PRKG1: variants seen among roughly 807,000 people sequenced by gnomAD.
The protein encoded by PRKG1 is protein kinase cGMP-dependent 1.
In PRKG1, 35 loss-of-function variants were observed where a neutral mutation model predicts 88.1. The ratio of observed to expected loss-of-function variants is 0.40; its 90% CI spans 0.30 to 0.53. The LOEUF is 0.53. Ranked by LOEUF, PRKG1 falls within the 20% of genes least tolerant of loss-of-function variation. The pLI, the probability that PRKG1 is intolerant of heterozygous loss-of-function variation, is 0.59. For missense variants in PRKG1, 540 were observed against 839.8 expected, an observed-to-expected ratio of 0.64 and a Z score of 4.41; for synonymous variants, 303 against 292.5, an observed-to-expected ratio of 1.04 and a Z score of -0.37.
rs149994880 is a variant in PRKG1, at chr10:51,111,248, A to G, written c.311+36347A>G. ...GAAAGTTACCTTGTTGATTTTTTAA[A>G]TTAAATTAAATTATTGTTTATATTT... On this transcript the variant is annotated intron_variant, in intron 1 of 17. Coordinates refer to ENST00000373980, the MANE Select transcript of PRKG1 (RefSeq NM_006258.4). Among the ~76,000 whole-genome samples, 1,432 of 152,250 alleles carry G rather than the reference A, an allele frequency of 9.4e-3. 17 individuals are homozygous for G. The highest frequency in any genetic ancestry group is 0.032 in the African/African-American group (1,320 of 41,556).
intron 3 of PRKG1, among the ~76,000 whole-genome samples, chr10:51,717,022 TA>T (rs1841902542): frequency 1.3e-5 from 2 of 152,260 alleles, no homozygotes; most frequent in South Asian, 4.1e-4. Context: ...TTGCAAAGTA[TA>T]AAAGTCTTGT....
intron 3 of PRKG1, among the ~76,000 whole-genome samples, chr10:51,540,528 AATAG>A (rs1301993217): frequency 1.3e-5 from 2 of 152,198 alleles, no homozygotes; most frequent in Non-Finnish European, 1.5e-5. Context: ...TTAGATAGAT[AATAG>A]ATAAATAATA....
chr10:51,870,379 C>T (rs930529179), intron 4 of PRKG1, among the ~76,000 whole-genome samples: 2 of 151,948 alleles, frequency 1.3e-5, no homozygotes. Context: ...TAAATATCCT[C>T]TGTTTTCTCT....
At chr10:52,293,039 A>G (rs540670885) in intron 17 of PRKG1, among the ~76,000 whole-genome samples, 1 of 152,068 alleles carries the variant, frequency 6.6e-6, no homozygotes, top group African/African-American at 2.4e-5. Flanking sequence ...AATCTCCTTA[A>G]GCTGATAAGC....
At chr10:51,466,015 T>C (rs2132811641) in intron 2 of PRKG1, among the ~76,000 whole-genome samples, 1 of 152,288 alleles carries the variant, frequency 6.6e-6, no homozygotes, top group African/African-American at 2.4e-5. Flanking sequence ...GTTAAGCAAT[T>C]TGCCCAAGGT....
chr10:51,686,783 T>C (rs1841004688), intron 3 of PRKG1, among the ~76,000 whole-genome samples: 2 of 152,202 alleles, frequency 1.3e-5, no homozygotes, highest in Non-Finnish European at 2.9e-5. Flanking sequence ...AGAGGAAGGC[T>C]AGAGTGCAGT....
intron 3 of PRKG1, among the ~76,000 whole-genome samples, chr10:51,671,777 G>A (rs373712060): frequency 1.8e-3 from 275 of 152,052 alleles, no homozygotes; most frequent in African/African-American, 6.1e-3. Flanking sequence ...TTGTAGGGAC[G>A]GGGTTTCACT....
At chr10:51,181,731 A>G (rs1837352826) in intron 2 of PRKG1, among the ~76,000 whole-genome samples, 1 of 152,160 alleles carries the variant, frequency 6.6e-6, no homozygotes, top group Non-Finnish European at 1.5e-5. Flanking sequence ...GATAGGTTCT[A>G]TTATATTCAT....
intron 2 of PRKG1, among the ~76,000 whole-genome samples, chr10:51,203,053 G>T (rs1262241455): frequency 1.3e-5 from 2 of 152,036 alleles, no homozygotes; most frequent in Non-Finnish European, 2.9e-5. Flanking sequence ...GACATTTTAG[G>T]AGTAGAACTC....
intron 2 of PRKG1, among the ~76,000 whole-genome samples, chr10:51,351,665 T>C (rs1473793798): frequency 6.6e-6 from 1 of 152,128 alleles, no homozygotes. Flanking sequence ...ATGGATAGAT[T>C]GCAAAAATTT....
chr10:51,971,995 G>A (rs1174373371), intron 5 of PRKG1, among the ~76,000 whole-genome samples: 1 of 152,032 alleles, frequency 6.6e-6, no homozygotes, highest in Non-Finnish European at 1.5e-5. Flanking sequence ...TAAATTAAAT[G>A]AAGTTATATC....
intron 1 of PRKG1, among the ~76,000 whole-genome samples, chr10:51,063,600 A>G (rs1185566838): frequency 6.6e-6 from 1 of 152,208 alleles, no homozygotes; most frequent in African/African-American, 2.4e-5. Context: ...CATTGACAGA[A>G]AAGTTATTAC....
intron 5 of PRKG1, among the ~76,000 whole-genome samples, chr10:52,035,959 T>G (rs1346438374): frequency 1.3e-5 from 2 of 152,174 alleles, no homozygotes; most frequent in African/African-American, 4.8e-5. Context: ...ACGCTAACCA[T>G]GCCTAGGAAG....
At chr10:51,420,400 TAGCAA>T (rs1838376250) in intron 2 of PRKG1, among the ~76,000 whole-genome samples, 1 of 152,188 alleles carries the variant, frequency 6.6e-6, no homozygotes, top group African/African-American at 2.4e-5. Context: ...TTCTTATTTC[TAGCAA>T]ACTCCCAGTT....
rs1263852917 is a variant in PRKG1 at position 51,691,762 on chromosome 10, T to C, written c.593-112823T>C. 2.6e-5 allele frequency among the ~76,000 whole-genome samples: 4 copies of C among 152,230 alleles called. No homozygotes were observed. The East Asian group carries it at 7.7e-4, about 29-fold the overall frequency. On this transcript the variant is annotated intron_variant, in intron 3 of 17. Transcript: ENST00000373980. ...AGGCTTGTGGCCAAATTGGAGAATA[T>C]AAGCTGCTTCTACAGGCATTTAAGT...
intron 5 of PRKG1, among the ~76,000 whole-genome samples, chr10:51,976,245 T>C (rs899141916): frequency 5.9e-5 from 9 of 152,022 alleles, no homozygotes; most frequent in Non-Finnish European, 2.9e-5. Context: ...TATGACCCCA[T>C]AATTCCACTT....
rs573281627 is a variant in PRKG1, at chr10:51,802,353, A to G, written c.593-2232A>G. On this transcript the variant is annotated intron_variant, in intron 3 of 17. Transcript: ENST00000373980. Reference sequence around the variant, plus strand: ...TATTATCATGCAAAATATCTGAACTACAGTTTTACCTAGAGACATTTAAAT... The same window carrying G: ...TATTATCATGCAAAATATCTGAACTGCAGTTTTACCTAGAGACATTTAAAT... Among the ~76,000 whole-genome samples the G allele has an allele frequency of 2.2e-4, 34 of 152,308 alleles. No homozygotes were observed. In the South Asian group the frequency reaches 6.2e-3, roughly 28 times the overall value.
At chr10:51,189,094 T>C (rs1449101397) in intron 2 of PRKG1, among the ~76,000 whole-genome samples, 1 of 151,722 alleles carries the variant, frequency 6.6e-6, no homozygotes, top group Admixed American at 6.6e-5. Context: ...CAAGGCCCTT[T>C]AGGAAAGGGA....
At chr10:52,045,516 C>T (rs774499501) in intron 5 of PRKG1, among the ~76,000 whole-genome samples, 14 of 151,972 alleles carry the variant, frequency 9.2e-5, no homozygotes, top group Non-Finnish European at 1.9e-4. Flanking sequence ...GTTGTTATGA[C>T]ATAAAGGAAT....
Sources: gnomAD v4.1 joint callset for allele counts (sites outside exome capture counted in the v4.1 genomes callset) on GRCh38, gnomAD v4.1.1 for gene constraint, MANE v1.5 for transcripts, NCBI Gene and HGNC (gene_info 2026-07-23, HGNC 2026-07-21) for gene names.